Variants in NFIL3 observed in about 807,000 individuals in gnomAD.
NFIL3 encodes nuclear factor interleukin-3-regulated protein.
Under a neutral mutation model 10.0 loss-of-function variants are expected in NFIL3, and 5 were observed. The observed-to-expected ratio is 0.50, with a 90% CI of 0.26 to 1.06. The LOEUF is 1.06. Among genes scored for constraint, NFIL3 ranks in the 50% least tolerant of loss-of-function variants. NFIL3 has a pLI of 0.13. For synonymous variants in NFIL3, 202 were observed against 206.5 expected (o/e 0.98, Z 0.19); for missense variants, 436 against 547.6 (o/e 0.80, Z 2.03).
chr9:91,437,160 C>G, the NFIL3 span, among the ~76,000 whole-genome samples: 1 of 152,202 alleles, frequency 6.6e-6, no homozygotes, highest in Admixed American at 6.5e-5. Flanking sequence ...CGGGCCAGTT[C>G]CTAACAGGCC....
the NFIL3 span, among the ~76,000 whole-genome samples, chr9:91,461,946 G>T: frequency 1.3e-5 from 2 of 151,936 alleles, no homozygotes; most frequent in Non-Finnish European, 2.9e-5. Flanking sequence ...AGGTAATCAC[G>T]GTCATTGTTC....
the NFIL3 span, among the ~76,000 whole-genome samples, chr9:91,437,937 C>T: frequency 6.6e-6 from 1 of 152,186 alleles, no homozygotes; most frequent in Admixed American, 6.5e-5. Flanking sequence ...GTTTCCATAT[C>T]TTGGCTATTG....
chr9:91,413,968 T>C (rs1833604816), intron 1 of NFIL3, among the ~76,000 whole-genome samples: 1 of 152,200 alleles, frequency 6.6e-6, no homozygotes, highest in Non-Finnish European at 1.5e-5. Flanking sequence ...GTAATGCTTT[T>C]GAAATGCCCC....
intron 1 of NFIL3, among the ~76,000 whole-genome samples, chr9:91,412,259 T>G (rs1833567985): frequency 1.3e-5 from 2 of 152,168 alleles, no homozygotes; most frequent in South Asian, 4.1e-4. Context: ...TGAATTAGTT[T>G]CAAGTAAAAT....
At chr9:91,450,400 T>C in the NFIL3 span, among the ~76,000 whole-genome samples, 1 of 152,136 alleles carries the variant, frequency 6.6e-6, no homozygotes, top group Non-Finnish European at 1.5e-5. Context: ...GGTATACTAG[T>C]TTGGTTTTCA....
At chr9:91,476,762 A>T in the NFIL3 span, among the ~76,000 whole-genome samples, 1 of 152,218 alleles carries the variant, frequency 6.6e-6, no homozygotes, top group Non-Finnish European at 1.5e-5. Flanking sequence ...TTTGTAAATT[A>T]GGATAAAAGA....
At chr9:91,459,395 C>T in the NFIL3 span, among the ~76,000 whole-genome samples, 1 of 152,190 alleles carries the variant, frequency 6.6e-6, no homozygotes, top group Non-Finnish European at 1.5e-5. Context: ...TCAGGCTGCT[C>T]TTTTAGAAAA....
chr9:91,468,698 T>G, the NFIL3 span, among the ~76,000 whole-genome samples: 1 of 152,364 alleles, frequency 6.6e-6, no homozygotes, highest in South Asian at 2.1e-4. Flanking sequence ...TTAATCCATC[T>G]TGAATTAATT....
At chr9:91,418,213 T>C (rs1266974572) in intron 1 of NFIL3, among the ~76,000 whole-genome samples, 1 of 152,108 alleles carries the variant, frequency 6.6e-6, no homozygotes, top group Non-Finnish European at 1.5e-5. Context: ...TAAAGATGGG[T>C]AGTAACATGG....
At chr9:91,447,365 G>C in the NFIL3 span, among the ~76,000 whole-genome samples, 8 of 152,232 alleles carry the variant, frequency 5.3e-5, no homozygotes, top group South Asian at 1.0e-3. Flanking sequence ...GGAATTGCTG[G>C]TTCATATAGT....
At chr9:91,461,986 T>C in the NFIL3 span, among the ~76,000 whole-genome samples, 2 of 152,138 alleles carry the variant, frequency 1.3e-5, no homozygotes, top group Non-Finnish European at 2.9e-5. Context: ...ATTTGGAATC[T>C]AGTCAACATT....
the NFIL3 span, among the ~76,000 whole-genome samples, chr9:91,429,099 A>G: frequency 2.5e-4 from 38 of 152,370 alleles, no homozygotes; most frequent in African/African-American, 8.9e-4. Context: ...AAATCATTTC[A>G]TGAAGAATAA....
chr9:91,474,028 T>G, the NFIL3 span, among the ~76,000 whole-genome samples: 1 of 152,116 alleles, frequency 6.6e-6, no homozygotes, highest in African/African-American at 2.4e-5. Context: ...GTTTCTGACC[T>G]TAGAGGGAAA....
At chr9:91,482,468 A>AT in the NFIL3 span, among the ~76,000 whole-genome samples, 2 of 151,608 alleles carry the variant, frequency 1.3e-5, no homozygotes, top group African/African-American at 4.9e-5. Flanking sequence ...GATGATGGTG[A>AT]TTTTACTAGG....
At chr9:91,452,407 G>C in the NFIL3 span, among the ~76,000 whole-genome samples, 4 of 151,870 alleles carry the variant, frequency 2.6e-5, no homozygotes, top group East Asian at 5.8e-4. Context: ...ATTTTCAGTT[G>C]TCCTACATTT....
chr9:91,431,179 A>G, the NFIL3 span, among the ~76,000 whole-genome samples: 1 of 152,354 alleles, frequency 6.6e-6, no homozygotes, highest in African/African-American at 2.4e-5. Context: ...TTCAGGCAGT[A>G]CGTTATTCAA....
At chr9:91,415,111 G>A (rs1417444247) in intron 1 of NFIL3, among the ~76,000 whole-genome samples, 1 of 152,138 alleles carries the variant, frequency 6.6e-6, no homozygotes, top group East Asian at 1.9e-4. Flanking sequence ...GAGACTAGGG[G>A]CACATAAAGA....
chr9:91,459,896 G>A, the NFIL3 span, among the ~76,000 whole-genome samples: 4 of 152,090 alleles, frequency 2.6e-5, no homozygotes, highest in East Asian at 7.7e-4. Flanking sequence ...ACATACCGTA[G>A]AGTCTTTTCC....
the NFIL3 span, among the ~76,000 whole-genome samples, chr9:91,439,817 AT>A: frequency 6.6e-6 from 1 of 152,166 alleles, no homozygotes; most frequent in Non-Finnish European, 1.5e-5. Context: ...TATTATATTG[AT>A]TGATTTGCAT....
Sources: allele counts gnomAD v4.1 joint callset (sites outside exome capture counted in the v4.1 genomes callset), GRCh38; gene constraint gnomAD v4.1.1; transcripts MANE v1.5; gene names NCBI Gene and HGNC (gene_info 2026-07-23, HGNC 2026-07-21).